Variants in ABHD2 observed in about 807,000 individuals in gnomAD.
ABHD2 encodes abhydrolase domain containing 2, acylglycerol lipase.
In ABHD2, 20 loss-of-function variants were observed where a neutral mutation model predicts 48.1. That is an observed-to-expected ratio of 0.42 (90% CI 0.29 to 0.60). The LOEUF is 0.60. Ranked by LOEUF, ABHD2 falls within the 20% of genes least tolerant of loss-of-function variation. ABHD2 has a pLI of 0.24. For missense variants in ABHD2, 405 were observed against 550.9 expected (o/e 0.74, Z 2.65); for synonymous variants, 209 against 214.2 (o/e 0.98, Z 0.21).
At position 89,179,075 on chromosome 15, in the gene ABHD2, C is replaced by T. The variant is rs1267795877; in HGVS notation, c.722+3080C>T. ...TTACAAAGCCACAAAGCAACAAATA[C>T]ATGTTACTAAGATATTACACATTTA... On this transcript the variant is annotated intron_variant, in intron 6 of 10. Transcript: ENST00000352732. This position sits in a 1 kb window ranked among gnomAD's most constrained non-coding sequence, Gnocchi z 4.3. 6.6e-6 allele frequency among the ~76,000 whole-genome samples: 1 copy of T among 152,194 alleles called. No homozygotes were observed. The highest frequency in any genetic ancestry group is 2.4e-5 in the African/African-American group (1 of 41,458).
intron 3 of ABHD2, among the ~76,000 whole-genome samples, chr15:89,138,774 T>C (rs928898594): frequency 1.3e-5 from 2 of 152,122 alleles, no homozygotes; most frequent in African/African-American, 4.8e-5. Context: ...TAACTTCTGG[T>C]TGGGGGAGTT....
chr15:89,056,567 C>T, the ABHD2 span, among the ~76,000 whole-genome samples: 8 of 151,994 alleles, frequency 5.3e-5, no homozygotes, highest in East Asian at 3.9e-4. Context: ...GACGTGAACC[C>T]GGGAGGTGGA....
rs895682135 is a variant in ABHD2, at chr15:89,164,777, TA to T, written c.538+9256del. Reference sequence around the variant, plus strand: ...AGACGACAGAGACTGACCCTGTCTTTAAAAAAAAAAAAATGGCAATAATATA... The same window carrying T: ...AGACGACAGAGACTGACCCTGTCTTTAAAAAAAAAAAATGGCAATAATATA... On this transcript the variant is annotated intron_variant, in intron 5 of 10. Transcript: ENST00000352732. The surrounding 1 kb of genome is among the most constrained non-coding windows in gnomAD (Gnocchi z 5.0). Among the ~76,000 whole-genome samples, 359 of 143,770 alleles carry T rather than the reference TA, an allele frequency of 2.5e-3. No homozygotes were observed. The highest frequency in any genetic ancestry group is 3.3e-3 in the African/African-American group (132 of 39,428). 94.3% of individuals were successfully genotyped at this position (143,770 alleles called of 152,430 possible).
the ABHD2 span, among the ~76,000 whole-genome samples, chr15:89,042,739 C>T: frequency 5.9e-5 from 9 of 151,948 alleles, no homozygotes; most frequent in Admixed American, 5.9e-4. Context: ...CTCTGCCTCC[C>T]GGGTTCAAGT....
chr15:89,147,170 C>G (rs111750656), intron 3 of ABHD2, among the ~76,000 whole-genome samples: 9,216 of 151,990 alleles, frequency 0.061, 983 homozygotes, highest in African/African-American at 0.21. Context: ...AGTAGGGAAA[C>G]GATAGGCCAT....
At chr15:89,158,780 A>G (rs931196964) in intron 5 of ABHD2, among the ~76,000 whole-genome samples, 4 of 151,942 alleles carry the variant, frequency 2.6e-5, no homozygotes, top group Non-Finnish European at 5.9e-5. Context: ...TAGTGCAATC[A>G]TGGCTCATTG....
the ABHD2 span, among the ~76,000 whole-genome samples, chr15:89,057,039 G>A: frequency 1.3e-5 from 2 of 150,404 alleles, no homozygotes; most frequent in Non-Finnish European, 2.9e-5. Flanking sequence ...TCAGCCTCCT[G>A]AGTAGCTGGG....
chr15:89,151,958 C>T lies in ABHD2; in HGVS notation c.370+106C>T. On this transcript the variant is annotated intron_variant, in intron 4 of 10. Transcript: ENST00000352732. The surrounding 1 kb of genome is among the most constrained non-coding windows in gnomAD (Gnocchi z 4.7). ...CTTGTGCCACTGACTCTGCCCATGG[C>T]ATCAGGGGCTGTTGGGAAGCCTGCT... 2 of 1,403,140 alleles carry T rather than the reference C, an allele frequency of 1.4e-6. No homozygotes were observed. The highest frequency in any genetic ancestry group is 1.9e-6 in the Non-Finnish European group (2 of 1,039,042). The allele number at this position is 1,403,140 out of a possible 1,614,324, so 86.9% of individuals were successfully genotyped here. A position where few individuals can be genotyped will look rare whatever the true frequency, so the allele number is the denominator to read the frequency against.
chr15:89,125,330 G>A (rs557098684), intron 3 of ABHD2, among the ~76,000 whole-genome samples: 11 of 152,022 alleles, frequency 7.2e-5, no homozygotes, highest in Admixed American at 2.0e-4. Context: ...TGGCAGAACT[G>A]TAGTGTTCTG....
chr15:89,094,660 A>T lies in ABHD2; in HGVS notation c.-107+6097A>T, dbSNP rs1391515573. Among the ~76,000 whole-genome samples the T allele has an allele frequency of 6.6e-6, 1 of 152,128 alleles. No homozygotes were observed. The highest frequency in any genetic ancestry group is 6.5e-5 in the Admixed American group (1 of 15,276). On this transcript the variant is annotated intron_variant, in intron 1 of 10. Coordinates refer to ENST00000352732, the MANE Select transcript of ABHD2 (RefSeq NM_152924.5). The surrounding 1 kb of genome is among the most constrained non-coding windows in gnomAD (Gnocchi z 4.7). ...GAGGCAGAGGCTGCCGTGAGCCAAG[A>T]TCGCACCACTGCACTCCAGCCTGGG...
the ABHD2 span, among the ~76,000 whole-genome samples, chr15:89,051,388 G>T: frequency 6.6e-6 from 1 of 152,072 alleles, no homozygotes; most frequent in African/African-American, 2.4e-5. Context: ...TTTGTAAGAG[G>T]GTGAAGACTC....
the ABHD2 span, among the ~76,000 whole-genome samples, chr15:89,054,935 T>C: frequency 6.6e-6 from 1 of 152,156 alleles, no homozygotes; most frequent in Admixed American, 6.6e-5. Flanking sequence ...TTAATCAATC[T>C]TCTATTGTTG....
At chr15:89,051,954 G>T in the ABHD2 span, among the ~76,000 whole-genome samples, 2 of 152,150 alleles carry the variant, frequency 1.3e-5, no homozygotes, top group Non-Finnish European at 2.9e-5. Context: ...AGAAGCTATT[G>T]GTAGACTGAG....
At chr15:89,126,597 C>T (rs571271847) in intron 3 of ABHD2, among the ~76,000 whole-genome samples, 1 of 152,278 alleles carries the variant, frequency 6.6e-6, no homozygotes, top group East Asian at 1.9e-4. Context: ...TATGATAGTA[C>T]ACTTTGTACT....
Position 89,175,748 on chromosome 15 carries a change from C to T in ABHD2, c.539-64C>T. Reference sequence around the variant, plus strand: ...TGGCACCCATTTAGTAACGTTCCAGCTTGCATTTTCTCCAGATAGGATGCA... The same window carrying T: ...TGGCACCCATTTAGTAACGTTCCAGTTTGCATTTTCTCCAGATAGGATGCA... On this transcript the variant is annotated intron_variant, in intron 5 of 10. Transcript: ENST00000352732. This position sits in a 1 kb window ranked among gnomAD's most constrained non-coding sequence, Gnocchi z 5.7. 6.4e-7 allele frequency: 1 copy of T among 1,574,678 alleles called. No individual in the cohort carries two copies. The highest frequency in any genetic ancestry group is 8.7e-7 in the Non-Finnish European group (1 of 1,147,442).
rs778678483 is a variant in ABHD2, at chr15:89,201,674, C to T, written c.*6251C>T. ...TCACTTTGAAACACACTTTTCTATC[C>T]GATGGATTTCGCAATTTAAGATTTG... On this transcript the variant is annotated 3_prime_UTR_variant, in exon 11 of 11. Transcript: ENST00000352732. 1.3e-5 allele frequency: 21 copies of T among 1,608,490 alleles called. No individual in the cohort carries two copies. Among genetic ancestry groups the T allele is most frequent in the Non-Finnish European group, 1.5e-5 (18 of 1,174,846 alleles).
chr15:89,113,892 G>A (rs777687460), intron 2 of ABHD2, 68 bp downstream of exon 2: 3 of 152,128 alleles, frequency 2.0e-5, no homozygotes, highest in Non-Finnish European at 4.4e-5. Flanking sequence ...GAATAGAAGT[G>A]GGAAGGGAAG....
At chr15:89,080,770 T>C in the ABHD2 span, among the ~76,000 whole-genome samples, 297 of 151,044 alleles carry the variant, frequency 2.0e-3, 1 homozygote, top group African/African-American at 6.8e-3. Context: ...TCTCAACTCA[T>C]TGCAGCCTCT....
chr15:89,091,938 G>T lies in ABHD2; in HGVS notation c.-107+3375G>T, dbSNP rs1454925624. Among the ~76,000 whole-genome samples, 3 of 152,220 alleles carry T rather than the reference G, an allele frequency of 2.0e-5. No homozygotes were observed. Among genetic ancestry groups the T allele is most frequent in the Admixed American group, 2.0e-4 (3 of 15,280 alleles). ...GCCTCTTAAATGTGTCTGGTGTCAG[G>T]ATTTTATAGCAGCTTTTCATGGTTC... On this transcript the variant is annotated intron_variant, in intron 1 of 10. Coordinates refer to ENST00000352732, the MANE Select transcript of ABHD2 (RefSeq NM_152924.5). The surrounding 1 kb of genome is among the most constrained non-coding windows in gnomAD (Gnocchi z 5.5).
Sources: allele counts gnomAD v4.1 joint callset (sites outside exome capture counted in the v4.1 genomes callset), GRCh38; gene constraint gnomAD v4.1.1; non-coding constraint Gnocchi (gnomAD v3.1); transcripts MANE v1.5; gene names NCBI Gene and HGNC (gene_info 2026-07-23, HGNC 2026-07-21).